The following ANKS1B variants were observed in gnomAD, a reference collection of about 807,000 sequenced individuals.
The protein encoded by ANKS1B is ankyrin repeat and sterile alpha motif domain-containing protein 1B.
A neutral mutation model predicts 148.3 loss-of-function variants in ANKS1B; 36 were observed. The ratio of observed to expected loss-of-function variants is 0.24; its 90% CI spans 0.19 to 0.32. The LOEUF is 0.32. ANKS1B is among the 10% of genes least tolerant of loss of function. The pLI is 1.00. For missense variants in ANKS1B, 1,157 were observed against 1,542.6 expected, an observed-to-expected ratio of 0.75 and a Z score of 4.19; for synonymous variants, 542 against 560.8, an observed-to-expected ratio of 0.97 and a Z score of 0.47.
At chr12:99,615,339 G>A (rs1419356204) in intron 9 of ANKS1B, among the ~76,000 whole-genome samples, 1 of 151,866 alleles carries the variant, frequency 6.6e-6, no homozygotes, top group Non-Finnish European at 1.5e-5. Flanking sequence ...TAATCACATG[G>A]CACATTCAAT....
At chr12:99,297,463 T>C (rs1171875064) in intron 12 of ANKS1B, among the ~76,000 whole-genome samples, 2 of 152,222 alleles carry the variant, frequency 1.3e-5, no homozygotes, top group Admixed American at 1.3e-4. Flanking sequence ...AGAACCTTCA[T>C]TCATTGAACC....
rs2098103285 is a variant in ANKS1B, at chr12:98,751,920, C to A, written c.3580-398G>T. On this transcript the variant is annotated intron_variant, in intron 25 of 26. Coordinates refer to ENST00000683438, the MANE Select transcript of ANKS1B (RefSeq NM_001352186.2). This position sits in a 1 kb window ranked among gnomAD's most constrained non-coding sequence, Gnocchi z 4.3. ...GACAGAGCTCAAAGTCATGCCTCTG[C>A]TCATGTGAGATAAATGCATATCAGA... 6.6e-6 allele frequency among the ~76,000 whole-genome samples: 1 copy of A among 152,250 alleles called. No homozygotes were observed. Among genetic ancestry groups the A allele is most frequent in the African/African-American group, 2.4e-5 (1 of 41,472 alleles).
intron 15 of ANKS1B, among the ~76,000 whole-genome samples, chr12:99,105,246 C>A (rs921955838): frequency 2.0e-5 from 3 of 152,182 alleles, no homozygotes; most frequent in Non-Finnish European, 4.4e-5. Flanking sequence ...TTTCACCTTT[C>A]TATCCTGCCC....
chr12:99,004,405 C>A lies in ANKS1B; in HGVS notation c.2778+48752G>T, dbSNP rs181947220. ...TTGAAAGACTAAATGAGATAATATA[C>A]GTAAAGAGCACAGAGTAAGCACTAG... On this transcript the variant is annotated intron_variant, in intron 17 of 26. Coordinates refer to ENST00000683438, the MANE Select transcript of ANKS1B (RefSeq NM_001352186.2). 2.7e-3 allele frequency among the ~76,000 whole-genome samples: 411 copies of A among 152,114 alleles called. 3 individuals are homozygous for A. The highest frequency in any genetic ancestry group is 4.6e-3 in the Non-Finnish European group (314 of 68,012).
At chr12:99,097,779 T>C (rs2056689946) in intron 15 of ANKS1B, among the ~76,000 whole-genome samples, 1 of 152,182 alleles carries the variant, frequency 6.6e-6, no homozygotes, top group Non-Finnish European at 1.5e-5. Flanking sequence ...CCTTAGGTCT[T>C]AATTTTCTCA....
chr12:98,852,718 C>T lies in ANKS1B; in HGVS notation c.2779-20582G>A, dbSNP rs184437356. Among the ~76,000 whole-genome samples, 16 of 152,294 alleles carry T rather than the reference C, an allele frequency of 1.1e-4. No individual in the cohort carries two copies. In the East Asian group the frequency reaches 2.7e-3, roughly 26 times the overall value. ...GGTGGCAGAGCCCACATTAAAAACA[C>T]GTATCTTTCTGCCACAAAGCCTGAG... On this transcript the variant is annotated intron_variant, in intron 17 of 26. Transcript: ENST00000683438.
chr12:99,190,592 A>G (rs894941826), intron 14 of ANKS1B, among the ~76,000 whole-genome samples: 1 of 152,216 alleles, frequency 6.6e-6, no homozygotes, highest in Non-Finnish European at 1.5e-5. Flanking sequence ...AGCAATGGGG[A>G]AAGGATTCCC....
chr12:99,766,809 A>G (rs2062691267), intron 8 of ANKS1B, among the ~76,000 whole-genome samples: 5 of 152,178 alleles, frequency 3.3e-5, no homozygotes, highest in Admixed American at 1.3e-4. Flanking sequence ...TTACATTTCA[A>G]AAAATTTGCC....
At chr12:98,896,702 G>A (rs1219908945) in intron 17 of ANKS1B, among the ~76,000 whole-genome samples, 1 of 152,202 alleles carries the variant, frequency 6.6e-6, no homozygotes, top group African/African-American at 2.4e-5. Flanking sequence ...TGTACTCTTT[G>A]ATAAATGGGA....
At chr12:99,890,660 G>A (rs1228131744) in intron 1 of ANKS1B, among the ~76,000 whole-genome samples, 1 of 148,176 alleles carries the variant, frequency 6.7e-6, no homozygotes, top group African/African-American at 2.5e-5. Context: ...GGACCCTAAT[G>A]CTAGATACCA....
chr12:99,023,856 G>A (rs558874252), intron 17 of ANKS1B, among the ~76,000 whole-genome samples: 199 of 148,920 alleles, frequency 1.3e-3, no homozygotes, highest in Non-Finnish European at 2.5e-3. Flanking sequence ...ATATATTATA[G>A]ATAAAAGTAT....
intron 13 of ANKS1B, among the ~76,000 whole-genome samples, chr12:99,245,568 C>T (rs1163291182): frequency 6.6e-6 from 1 of 152,176 alleles, no homozygotes; most frequent in Non-Finnish European, 1.5e-5. Flanking sequence ...CACTATCAGA[C>T]CATATCCATT....
chr12:99,548,485 C>T (rs1771324579), intron 9 of ANKS1B, among the ~76,000 whole-genome samples: 1 of 151,938 alleles, frequency 6.6e-6, no homozygotes, highest in African/African-American at 2.4e-5. Flanking sequence ...AGAAATCCCC[C>T]CACCACCATT....
At chr12:99,574,406 C>T (rs1404367574) in intron 9 of ANKS1B, among the ~76,000 whole-genome samples, 1 of 152,042 alleles carries the variant, frequency 6.6e-6, no homozygotes, top group South Asian at 2.1e-4. Flanking sequence ...TAGTCCTACA[C>T]AACAGGCTGC....
intron 8 of ANKS1B, among the ~76,000 whole-genome samples, chr12:99,742,170 C>T (rs1277213323): frequency 6.6e-6 from 1 of 150,582 alleles, no homozygotes; most frequent in Admixed American, 6.6e-5. Context: ...CTTAATACCT[C>T]GGTGATAAAA....
At chr12:99,444,707 T>G (rs74405084) in intron 10 of ANKS1B, among the ~76,000 whole-genome samples, 4,060 of 151,914 alleles carry the variant, frequency 0.027, 177 homozygotes, top group African/African-American at 0.093. Flanking sequence ...AGCTCAAATC[T>G]GCCAAAAAAA....
chr12:99,870,826 T>G (rs1162591930), intron 1 of ANKS1B, among the ~76,000 whole-genome samples: 1 of 152,206 alleles, frequency 6.6e-6, no homozygotes, highest in African/African-American at 2.4e-5. Flanking sequence ...TATTAAACAT[T>G]TGTCAGATGT....
intron 12 of ANKS1B, among the ~76,000 whole-genome samples, chr12:99,379,787 A>T (rs2093560232): frequency 6.6e-6 from 1 of 152,224 alleles, no homozygotes; most frequent in African/African-American, 2.4e-5. Flanking sequence ...ATCTAGGCAG[A>T]TCTACTGGGT....
At chr12:98,880,263 AAAC>A (rs2099703555) in intron 17 of ANKS1B, among the ~76,000 whole-genome samples, 1 of 152,224 alleles carries the variant, frequency 6.6e-6, no homozygotes, top group Admixed American at 6.5e-5. Context: ...ATCAAGAGGA[AAAC>A]AAATATTCAT....
Sources: allele counts gnomAD v4.1 joint callset (sites outside exome capture counted in the v4.1 genomes callset), GRCh38; gene constraint gnomAD v4.1.1; non-coding constraint Gnocchi (gnomAD v3.1); transcripts MANE v1.5; gene names NCBI Gene and HGNC (gene_info 2026-07-23, HGNC 2026-07-21).